Variants in VWC2L observed in about 807,000 individuals in gnomAD.
The protein encoded by VWC2L is von Willebrand factor C domain containing 2 like.
VWC2L carries 10 observed loss-of-function variants against 21.6 expected under a neutral mutation model. The observed-to-expected ratio is 0.46, with a 90% CI of 0.29 to 0.78. The LOEUF (loss-of-function observed/expected upper bound fraction) is 0.78, where lower values mean the gene tolerates loss of function less well. Ranked by LOEUF, VWC2L falls within the 30% of genes least tolerant of loss-of-function variation. The probability of loss-of-function intolerance (pLI) is 0.10; values close to 1 mark genes in which losing one functional copy is unlikely to be tolerated. For synonymous variants in VWC2L, 96 were observed against 94.3 expected, an observed-to-expected ratio of 1.02 and a Z score of -0.10; for missense variants, 209 against 277.1, an observed-to-expected ratio of 0.75 and a Z score of 1.74.
chr2:214,475,693 A>T (rs1688505200), intron 3 of VWC2L, among the ~76,000 whole-genome samples: 2 of 152,106 alleles, frequency 1.3e-5, no homozygotes, highest in African/African-American at 4.8e-5. Flanking sequence ...TTTTGAACAG[A>T]AACCGGAAAT....
intron 1 of VWC2L, among the ~76,000 whole-genome samples, chr2:214,412,937 C>T (rs1702300103): frequency 1.3e-5 from 2 of 151,988 alleles, no homozygotes; most frequent in Admixed American, 1.3e-4. Context: ...TTTGACAATA[C>T]TTTTTCTTAT....
intron 3 of VWC2L, among the ~76,000 whole-genome samples, chr2:214,557,000 TACTGTTCCCTGTTC>T (rs1553601830): frequency 6.6e-6 from 1 of 152,172 alleles, no homozygotes; most frequent in Non-Finnish European, 1.5e-5. Context: ...GGAGTCTTCT[TACTGTTCCCTGTTC>T]ACAGATAAGG....
intron 3 of VWC2L, among the ~76,000 whole-genome samples, chr2:214,448,268 A>G (rs1307648536): frequency 6.6e-6 from 1 of 152,246 alleles, no homozygotes; most frequent in Non-Finnish European, 1.5e-5. Flanking sequence ...TATGTTTGTG[A>G]ATAAATGAAT....
rs1200742030 is a variant in VWC2L at position 214,411,919 on chromosome 2, T to A, written c.-81+133T>A. 2.0e-5 allele frequency: 3 copies of A among 152,278 alleles called. No individual in the cohort carries two copies. In the East Asian group the frequency reaches 5.8e-4, roughly 29 times the overall value. The allele number at this position is 152,278 out of a possible 1,614,324, so 9.4% of individuals were successfully genotyped here. A position where few individuals can be genotyped will look rare whatever the true frequency, so the allele number is the denominator to read the frequency against. On this transcript the variant is annotated intron_variant, in intron 1 of 3. Coordinates refer to ENST00000312504, the MANE Select transcript of VWC2L (RefSeq NM_001080500.4). ...AAGTGATCCTCAGTTTAGCAGTGTT[T>A]GCTTTCTTTTTAAAAATCTTCAGAT...
At chr2:214,511,096 A>C (rs2105905562) in intron 3 of VWC2L, among the ~76,000 whole-genome samples, 1 of 152,076 alleles carries the variant, frequency 6.6e-6, no homozygotes, top group Admixed American at 6.5e-5. Context: ...AGACCAGCCC[A>C]GGCAAGATGG....
At chr2:214,506,528 A>G (rs1011273702) in intron 3 of VWC2L, among the ~76,000 whole-genome samples, 2 of 152,180 alleles carry the variant, frequency 1.3e-5, no homozygotes, top group Non-Finnish European at 2.9e-5. Flanking sequence ...CTGCAGAGCA[A>G]TTTAGCTATA....
chr2:214,562,381 T>C lies in VWC2L; in HGVS notation c.521-13291T>C, dbSNP rs868362050. Among the ~76,000 whole-genome samples, 22 of 152,370 alleles carry C rather than the reference T, an allele frequency of 1.4e-4. No homozygotes were observed. In the South Asian group the frequency reaches 2.3e-3, roughly 16 times the overall value. Reference sequence around the variant, plus strand: ...GTGTATATGTACCATATTTTCTTTATCCAATCTATCATTGATAGGCATTTA... The same window carrying C: ...GTGTATATGTACCATATTTTCTTTACCCAATCTATCATTGATAGGCATTTA... On this transcript the variant is annotated intron_variant, in intron 3 of 3. Coordinates refer to ENST00000312504, the MANE Select transcript of VWC2L (RefSeq NM_001080500.4).
intron 3 of VWC2L, among the ~76,000 whole-genome samples, chr2:214,455,786 T>C (rs1338637071): frequency 6.6e-6 from 1 of 152,226 alleles, no homozygotes; most frequent in Non-Finnish European, 1.5e-5. Flanking sequence ...CACATGTAAG[T>C]GTAAACATGT....
intron 3 of VWC2L, among the ~76,000 whole-genome samples, chr2:214,526,902 C>G (rs1689348036): frequency 6.6e-6 from 1 of 152,162 alleles, no homozygotes. Flanking sequence ...AAGACACATA[C>G]ACTCATATAT....
At chr2:214,426,657 G>T (rs535184225) in intron 2 of VWC2L, among the ~76,000 whole-genome samples, 2 of 152,302 alleles carry the variant, frequency 1.3e-5, no homozygotes, top group South Asian at 4.1e-4. Context: ...TATAAATGGA[G>T]ATTATCAAAC....
chr2:214,536,548 C>A (rs890963741), intron 3 of VWC2L, among the ~76,000 whole-genome samples: 18 of 152,100 alleles, frequency 1.2e-4, no homozygotes, highest in Admixed American at 1.1e-3. Flanking sequence ...TGAAAAAAAG[C>A]ATAGAAATGA....
intron 3 of VWC2L, among the ~76,000 whole-genome samples, chr2:214,564,172 CACAA>C (rs1447304022): frequency 2.0e-5 from 3 of 152,068 alleles, no homozygotes; most frequent in East Asian, 3.9e-4. Context: ...TCAGAGAGGA[CACAA>C]ACAAATGAGA....
At chr2:214,548,038 A>G (rs1219387752) in intron 3 of VWC2L, among the ~76,000 whole-genome samples, 1 of 152,214 alleles carries the variant, frequency 6.6e-6, no homozygotes, top group Non-Finnish European at 1.5e-5. Flanking sequence ...ATGCAAGCTA[A>G]TGTGAATTCT....
At chr2:214,549,338 G>C (rs1187179496) in intron 3 of VWC2L, among the ~76,000 whole-genome samples, 2 of 152,198 alleles carry the variant, frequency 1.3e-5, no homozygotes, top group African/African-American at 4.8e-5. Context: ...CCTACCACAG[G>C]TATGTATACC....
At position 214,436,814 on chromosome 2, in the gene VWC2L, TCAC is replaced by T. The variant is rs567180484; in HGVS notation, c.520+57_520+59del. The T allele has an allele frequency of 3.7e-5, 60 of 1,603,050 alleles. No homozygotes were observed. In the Admixed American group the frequency reaches 5.9e-4, roughly 16 times the overall value. On this transcript the variant is annotated intron_variant, in intron 3 of 3. Coordinates refer to ENST00000312504, the MANE Select transcript of VWC2L (RefSeq NM_001080500.4). ...GGGGTTCGCACAAAATACAAATATT[TCAC>T]TACTGCATACCATTCAATGCAAGAC...
chr2:214,469,016 T>C (rs1703264997), intron 3 of VWC2L, among the ~76,000 whole-genome samples: 1 of 152,186 alleles, frequency 6.6e-6, no homozygotes, highest in Non-Finnish European at 1.5e-5. Flanking sequence ...GGTTTAAATA[T>C]TATAAATAAG....
At chr2:214,574,315 C>T (rs1397357379) in intron 3 of VWC2L, among the ~76,000 whole-genome samples, 4 of 152,198 alleles carry the variant, frequency 2.6e-5, no homozygotes, top group Non-Finnish European at 5.9e-5. Context: ...GGCATAGGAA[C>T]TCCACCACTG....
intron 3 of VWC2L, among the ~76,000 whole-genome samples, chr2:214,520,075 A>ACG (rs1689210191): frequency 6.6e-6 from 1 of 151,560 alleles, no homozygotes; most frequent in Non-Finnish European, 1.5e-5. Context: ...ACACACACAC[A>ACG]CACACACACA....
At chr2:214,499,612 C>T (rs950976703) in intron 3 of VWC2L, among the ~76,000 whole-genome samples, 1 of 152,038 alleles carries the variant, frequency 6.6e-6, no homozygotes, top group African/African-American at 2.4e-5. Flanking sequence ...TGTACCAAAC[C>T]TGCACGTTGT....
Sources: gnomAD v4.1 joint callset for allele counts (sites outside exome capture counted in the v4.1 genomes callset) on GRCh38, gnomAD v4.1.1 for gene constraint, MANE v1.5 for transcripts, NCBI Gene and HGNC (gene_info 2026-07-23, HGNC 2026-07-21) for gene names.